EYS: variants seen among roughly 807,000 people sequenced by gnomAD.
The protein encoded by EYS is EGF-like photoreceptor maintenance factor.
EYS carries 250 observed loss-of-function variants against 282.1 expected under a neutral mutation model. The observed-to-expected ratio is 0.89, with a 90% CI of 0.80 to 0.98. The LOEUF (loss-of-function observed/expected upper bound fraction) is 0.98, where lower values mean the gene tolerates loss of function less well. EYS is among the 50% of genes least tolerant of loss of function. EYS has a pLI of 0.00. For synonymous variants in EYS, 1,355 were observed against 1,282.9 expected, an observed-to-expected ratio of 1.06 and a Z score of -1.20; for missense variants, 4,016 against 3,709.0, an observed-to-expected ratio of 1.08 and a Z score of -2.15.
At chr6:65,458,742 C>A (rs1764716395) in intron 5 of EYS, among the ~76,000 whole-genome samples, 1 of 152,074 alleles carries the variant, frequency 6.6e-6, no homozygotes, top group Non-Finnish European at 1.5e-5. Flanking sequence ...TATTTGCCTA[C>A]AAAGCACATA....
At chr6:65,438,085 C>G (rs889233879) in intron 5 of EYS, among the ~76,000 whole-genome samples, 2 of 149,444 alleles carry the variant, frequency 1.3e-5, no homozygotes, top group Non-Finnish European at 3.0e-5. Context: ...CAATTCCCAC[C>G]TACGAGTGAG....
chr6:65,603,528 T>TA (rs1398487104), intron 2 of EYS, among the ~76,000 whole-genome samples: 2 of 151,948 alleles, frequency 1.3e-5, no homozygotes, highest in Non-Finnish European at 2.9e-5. Context: ...AACCCCCTGT[T>TA]ACCTGAGAAG....
intron 12 of EYS, among the ~76,000 whole-genome samples, chr6:65,196,747 G>A (rs564428349): frequency 1.3e-5 from 2 of 152,090 alleles, no homozygotes; most frequent in African/African-American, 2.4e-5. Flanking sequence ...TATTATTGTC[G>A]TTTGAATAGA....
intron 22 of EYS, among the ~76,000 whole-genome samples, chr6:64,645,746 CT>C (rs1356423443): frequency 6.6e-6 from 1 of 152,076 alleles, no homozygotes; most frequent in Non-Finnish European, 1.5e-5. Context: ...AGAAATAAGG[CT>C]GCTTAAATGC....
chr6:64,513,050 C>T (rs1188928289), intron 26 of EYS, among the ~76,000 whole-genome samples: 1 of 151,082 alleles, frequency 6.6e-6, no homozygotes, highest in African/African-American at 2.4e-5. Context: ...ACCCAAGTAT[C>T]CAAACATAGT....
At chr6:64,676,905 G>A (rs930211288) in intron 22 of EYS, among the ~76,000 whole-genome samples, 1 of 152,086 alleles carries the variant, frequency 6.6e-6, no homozygotes, top group African/African-American at 2.4e-5. Flanking sequence ...GTCACCTTGG[G>A]AGTTAGGATT....
intron 26 of EYS, among the ~76,000 whole-genome samples, chr6:64,455,520 T>C (rs1775529253): frequency 6.6e-6 from 1 of 152,114 alleles, no homozygotes; most frequent in South Asian, 2.1e-4. Context: ...TGTGCCATGG[T>C]GGTTTGCTGC....
At chr6:65,229,587 A>G (rs895779468) in intron 12 of EYS, among the ~76,000 whole-genome samples, 1 of 151,962 alleles carries the variant, frequency 6.6e-6, no homozygotes, top group Non-Finnish European at 1.5e-5. Context: ...TCTCTAATGT[A>G]AGAGAAGACA....
chr6:64,467,317 TA>T (rs1439416210), intron 26 of EYS, among the ~76,000 whole-genome samples: 1 of 152,198 alleles, frequency 6.6e-6, no homozygotes, highest in African/African-American at 2.4e-5. Context: ...AACAGTTATA[TA>T]ATGTCAGTAG....
intron 28 of EYS, among the ~76,000 whole-genome samples, chr6:64,418,541 C>T (rs927220107): frequency 2.0e-5 from 3 of 152,130 alleles, no homozygotes; most frequent in Non-Finnish European, 1.5e-5. Flanking sequence ...TTAATATCTA[C>T]GTGATTACCT....
At chr6:64,289,860 T>A (rs1165290307) in intron 30 of EYS, among the ~76,000 whole-genome samples, 2 of 152,204 alleles carry the variant, frequency 1.3e-5, no homozygotes, top group East Asian at 3.9e-4. Context: ...GAATTTTGAT[T>A]TATATAGTGC....
At chr6:63,937,702 G>C (rs936875696) in intron 35 of EYS, among the ~76,000 whole-genome samples, 4 of 151,840 alleles carry the variant, frequency 2.6e-5, no homozygotes, top group Admixed American at 2.6e-4. Flanking sequence ...TTAATGAAAG[G>C]AACATAGTAC....
intron 5 of EYS, among the ~76,000 whole-genome samples, chr6:65,473,918 T>A (rs1180931854): frequency 6.6e-6 from 1 of 151,806 alleles, no homozygotes; most frequent in Non-Finnish European, 1.5e-5. Flanking sequence ...AGGCCCAGTG[T>A]TTTTTAGAGT....
intron 40 of EYS, 51 bp from the exon 41 acceptor site, chr6:63,762,684 T>C: frequency 6.7e-7 from 1 of 1,500,348 alleles, no homozygotes; most frequent in Non-Finnish European, 9.0e-7. Flanking sequence ...TAGAGATGGA[T>C]ACATACTATG....
rs534650324 is a variant in EYS at position 65,351,609 on chromosome 6, A to G, written c.1459+1849T>C. Reference sequence around the variant, plus strand: ...TTCCCTGTAGCAATTTATAGTTCTCAAAAGAAGTTTAATATTTAAAAATAA... The same window carrying G: ...TTCCCTGTAGCAATTTATAGTTCTCGAAAGAAGTTTAATATTTAAAAATAA... On this transcript the variant is annotated intron_variant, in intron 9 of 42. Transcript: ENST00000503581. Among the ~76,000 whole-genome samples the G allele has an allele frequency of 2.6e-5, 4 of 151,918 alleles. No individual in the cohort carries two copies. The South Asian group carries it at 8.3e-4, about 32-fold the overall frequency.
intron 8 of EYS, among the ~76,000 whole-genome samples, chr6:65,382,546 C>G (rs1435322451): frequency 6.7e-6 from 1 of 148,532 alleles, no homozygotes; most frequent in East Asian, 2.0e-4. Flanking sequence ...TCAAGGTTCT[C>G]TAGGGGGACA....
At chr6:65,501,152 GT>G (rs200114652) in intron 2 of EYS, among the ~76,000 whole-genome samples, 2,355 of 151,818 alleles carry the variant, frequency 0.016, 68 homozygotes, top group African/African-American at 0.054. Context: ...AGTGAAATCG[GT>G]TTTCTGTAAG....
rs1768037854 is a variant in EYS, at chr6:64,912,670, T to A, written c.2455A>T (p.Met819Leu). Residue 819 changes from methionine (M) to leucine (L), a missense_variant, in exon 16 of 43, where the codon ATG (methionine) becomes TTG (leucine). By Grantham distance (15) the Met-to-Leu change is conservative (BLOSUM62 2). Transcript: ENST00000503581. ...GATTCATGACAAAGACCTCCATTCA[T>A]GCATGGATCAGAGTCGCATTCATTT... ...EINECDSDPCMNGGLCHESTI... is the reference protein window; with the variant it reads ...EINECDSDPCLNGGLCHESTI... 1 of 1,545,116 alleles carries A rather than the reference T, an allele frequency of 6.5e-7. No individual in the cohort carries two copies.
chr6:64,862,355 A>AG (rs1302675368), intron 19 of EYS, among the ~76,000 whole-genome samples: 1 of 152,170 alleles, frequency 6.6e-6, no homozygotes, highest in Admixed American at 6.5e-5. Flanking sequence ...GGTGGACTTC[A>AG]GTTGTTTTTC....
Sources: gnomAD v4.1 joint callset for allele counts (sites outside exome capture counted in the v4.1 genomes callset) on GRCh38, gnomAD v4.1.1 for gene constraint, MANE v1.5 for transcripts, NCBI Gene and HGNC (gene_info 2026-07-23, HGNC 2026-07-21) for gene names.